Variants in ERMARD observed in about 807,000 individuals in gnomAD.
ERMARD encodes ER membrane associated RNA degradation, also known as endoplasmic reticulum membrane-associated RNA degradation protein.
ERMARD carries 71 observed loss-of-function variants against 83.9 expected under a neutral mutation model. That is an observed-to-expected ratio of 0.85 (90% CI 0.70 to 1.03). The LOEUF is 1.03. ERMARD is among the 50% of genes least tolerant of loss of function. The pLI, the probability that ERMARD is intolerant of heterozygous loss-of-function variation, is 0.00. For synonymous variants in ERMARD, 284 were observed against 298.6 expected, an observed-to-expected ratio of 0.95 and a Z score of 0.50; for missense variants, 838 against 810.9, an observed-to-expected ratio of 1.03 and a Z score of -0.41.
At chr6:169,775,002 C>T (rs1585413617) in intron 13 of ERMARD, among the ~76,000 whole-genome samples, 2 of 152,262 alleles carry the variant, frequency 1.3e-5, no homozygotes, top group South Asian at 2.1e-4. Flanking sequence ...TGGTGGGGGC[C>T]TCCCTCTCAA....
chr6:169,760,443 C>T (rs995626671), intron 7 of ERMARD, among the ~76,000 whole-genome samples, 199 bp from the exon 8 acceptor site: 5 of 152,124 alleles, frequency 3.3e-5, no homozygotes, highest in Admixed American at 2.0e-4. Context: ...AAGAGATGTC[C>T]ATGCCCCACT....
intron 11 of ERMARD, 67 bp downstream of exon 11, chr6:169,768,238 ATT>A: frequency 7.0e-7 from 1 of 1,430,418 alleles, no homozygotes; most frequent in East Asian, 2.3e-5. Flanking sequence ...CTTCTCTAAA[ATT>A]AAATTAATTT....
At chr6:169,777,954 G>A (rs182854104) in intron 16 of ERMARD, among the ~76,000 whole-genome samples, 1 of 152,198 alleles carries the variant, frequency 6.6e-6, no homozygotes, top group Non-Finnish European at 1.5e-5. Context: ...TCAGGGTCAG[G>A]GTTGTGGGTG....
chr6:169,760,281 C>T (rs1791376033), intron 7 of ERMARD, among the ~76,000 whole-genome samples: 2 of 152,218 alleles, frequency 1.3e-5, no homozygotes, highest in African/African-American at 4.8e-5. Context: ...ATTTTCTCCT[C>T]CTTTTACCTC....
At chr6:169,762,718 T>C (rs1465062547) in intron 9 of ERMARD, among the ~76,000 whole-genome samples, 187 bp downstream of exon 9, 1 of 152,216 alleles carries the variant, frequency 6.6e-6, no homozygotes, top group South Asian at 2.1e-4. Flanking sequence ...GTTTTTGATA[T>C]TTCTGTAATA....
rs996438069 is a variant in ERMARD, at chr6:169,773,419, G to A, written c.1317+17G>A. The A allele has an allele frequency of 2.5e-6, 4 of 1,613,104 alleles. No homozygotes were observed. The highest frequency in any genetic ancestry group is 1.3e-5 in the African/African-American group (1 of 74,900). ...AAAAAACAGGTATGCCAAATGCAGG[G>A]TCCCGGGAGGGGCGTGTATGTCTCT... is the stretch of plus-strand genomic sequence containing the variant. On this transcript the variant is annotated intron_variant, in intron 13 of 17. Coordinates refer to ENST00000366773, the MANE Select transcript of ERMARD (RefSeq NM_018341.3).
chr6:169,781,265 A>G (rs961915906), intron 17 of ERMARD, 65 bp from the exon 18 acceptor site: 2 of 1,393,948 alleles, frequency 1.4e-6, no homozygotes, highest in African/African-American at 3.0e-5. Context: ...AATGAAGTGA[A>G]GACATTTAAT....
Position 169,776,633 on chromosome 6 carries a change from C to G in ERMARD, c.1699C>G (p.Arg567Gly). The change falls in exon 16 of 18, where the codon CGG (arginine) becomes GGG (glycine). Residue 567 changes from arginine (R) to glycine (G), a missense_variant. Arg to Gly is a moderately radical substitution (Grantham distance 125, BLOSUM62 -2). Transcript: ENST00000366773. The part of the protein sequence containing the change: ...RHRQWVERTL[R>G]SRQRQNYLRM... ...CAGGCAGTGGGTGGAAAGGACGCTGCGGTCTCGCCAGCGGCAGAACTACCT... is the reference window on the plus strand; with the variant it reads ...CAGGCAGTGGGTGGAAAGGACGCTGGGGTCTCGCCAGCGGCAGAACTACCT... 6.2e-7 allele frequency: 1 copy of G among 1,614,114 alleles called. No individual in the cohort carries two copies.
rs748248575 is a variant in ERMARD, at chr6:169,759,041, C to T, written c.581C>T (p.Ala194Val). ...NLRNVLWHGF[A>V]SPEEIPPKYC... ...CGTAACGTCTTATGGCATGGGTTTG[C>T]GTCACCTGAAGAAATTCCTCCAAAG... Residue 194 changes from alanine (A) to valine (V), a missense_variant, in exon 6 of 18, where the codon GCG becomes GTG. Physicochemically the swap from Ala to Val is moderately conservative, Grantham distance 64. Coordinates refer to ENST00000366773, the MANE Select transcript of ERMARD (RefSeq NM_018341.3). The T allele has an allele frequency of 3.8e-5, 61 of 1,613,832 alleles. No individual in the cohort carries two copies. Among genetic ancestry groups the T allele is most frequent in the Non-Finnish European group, 4.2e-5 (49 of 1,179,906 alleles).
intron 12 of ERMARD, 149 bp from the exon 13 acceptor site, chr6:169,773,170 A>G (rs573815286): frequency 2.6e-5 from 16 of 606,118 alleles, no homozygotes; most frequent in Non-Finnish European, 3.4e-5. Context: ...TGTCAAGCCT[A>G]TTTTAATGAA....
upstream of ERMARD, chr6:169,751,524 G>C (rs1228382937): frequency 1.2e-6 from 2 of 1,610,510 alleles, no homozygotes; most frequent in Non-Finnish European, 1.7e-6. Context: ...GCCCTAGCCA[G>C]TCCCGCGAGG....
upstream of ERMARD, chr6:169,751,527 C>T (rs576600601): frequency 2.2e-5 from 36 of 1,610,600 alleles, no homozygotes; most frequent in East Asian, 7.8e-4. Flanking sequence ...CTAGCCAGTC[C>T]CGCGAGGGCG....
chr6:169,772,764 CTG>C (rs1376803684), intron 12 of ERMARD, among the ~76,000 whole-genome samples: 5 of 104,966 alleles, frequency 4.8e-5, no homozygotes, highest in African/African-American at 2.4e-4. Context: ...CAGTGAGACT[CTG>C]TCTCAAAAAA....
intron 2 of ERMARD, among the ~76,000 whole-genome samples, chr6:169,754,236 A>C (rs1029403308): frequency 1.3e-5 from 2 of 152,212 alleles, no homozygotes; most frequent in Non-Finnish European, 2.9e-5. Flanking sequence ...AAGCTGGGCT[A>C]AGAAAACCAC....
Position 169,762,446 on chromosome 6 carries a change from T to G in ERMARD, c.875T>G (p.Ile292Arg), listed in dbSNP as rs781652565. The stretch of plus-strand genomic sequence containing the variant: ...TTTCATAGGTTTGCTGACTGCGCCA[T>G]ATTGTTGCTGACACAACTGGAGACT... ...FKSHRFADCAILLLTQLETGL... is the reference protein window; with the variant it reads ...FKSHRFADCARLLLTQLETGL... Residue 292 changes from isoleucine (I) to arginine (R), a missense_variant, in exon 9 of 18, where the codon ATA (isoleucine) becomes AGA (arginine). Coordinates refer to ENST00000366773, the MANE Select transcript of ERMARD (RefSeq NM_018341.3). The G allele has an allele frequency of 1.9e-6, 3 of 1,614,070 alleles. No homozygotes were observed. In the Admixed American group the frequency reaches 5.0e-5, roughly 27 times the overall value.
At chr6:169,771,671 T>C (rs1207431880) in intron 12 of ERMARD, 2 of 152,030 alleles carry the variant, frequency 1.3e-5, no homozygotes, top group African/African-American at 4.8e-5. Flanking sequence ...GCCTCCTAGG[T>C]GGCTGCTCAG....
At chr6:169,774,007 G>A (rs1049876489) in intron 13 of ERMARD, among the ~76,000 whole-genome samples, 8 of 152,284 alleles carry the variant, frequency 5.3e-5, no homozygotes, top group East Asian at 1.9e-4. Context: ...AACACACGGC[G>A]GGTCAGGAGA....
chr6:169,752,411 C>T (rs180693561), intron 1 of ERMARD, among the ~76,000 whole-genome samples: 1 of 152,188 alleles, frequency 6.6e-6, no homozygotes, highest in Non-Finnish European at 1.5e-5. Flanking sequence ...AAATTTAAGT[C>T]CAGCTCCAAA....
In ERMARD at chr6:169,761,339, C is replaced by T. The variant is rs112166760; in HGVS notation, c.857+583C>T. Among the ~76,000 whole-genome samples, 475 of 152,300 alleles carry T rather than the reference C, an allele frequency of 3.1e-3. 1 individual carries two copies. Among genetic ancestry groups the T allele is most frequent in the Admixed American group, 6.7e-3 (103 of 15,304 alleles). On this transcript the variant is annotated intron_variant, in intron 8 of 17. Transcript: ENST00000366773. ...TCAAGCAGTCCTCCCACCTCAGCCT[C>T]CTGAGTAGATAGGACTGTAAGTGTG...
Sources: allele counts gnomAD v4.1 joint callset (sites outside exome capture counted in the v4.1 genomes callset), GRCh38; gene constraint gnomAD v4.1.1; transcripts MANE v1.5; gene names NCBI Gene and HGNC (gene_info 2026-07-23, HGNC 2026-07-21).